Variants in UNC5D observed in about 807,000 individuals in gnomAD.
The protein encoded by UNC5D is unc-5 netrin receptor D.
A neutral mutation model predicts 105.4 loss-of-function variants in UNC5D; 39 were observed. The observed-to-expected ratio is 0.37, with a 90% CI of 0.29 to 0.48. The LOEUF (loss-of-function observed/expected upper bound fraction) is 0.48. UNC5D is among the 20% of genes least tolerant of loss of function. The probability of loss-of-function intolerance (pLI) is 0.98; values close to 1 mark genes in which losing one functional copy is unlikely to be tolerated. For synonymous variants in UNC5D, 452 were observed against 450.4 expected (o/e 1.00, Z -0.04); for missense variants, 991 against 1,202.4 (o/e 0.82, Z 2.60).
intron 1 of UNC5D, among the ~76,000 whole-genome samples, chr8:35,518,042 G>C (rs1001661285): frequency 6.6e-6 from 1 of 152,016 alleles, no homozygotes; most frequent in African/African-American, 2.4e-5. Context: ...TGAATTTTGG[G>C]GGGGGCATAA....
At chr8:35,368,854 C>T (rs999869174) in intron 1 of UNC5D, among the ~76,000 whole-genome samples, 6 of 152,016 alleles carry the variant, frequency 3.9e-5, no homozygotes, top group Non-Finnish European at 5.9e-5. Flanking sequence ...CATGTAAGGA[C>T]ACAGTAAGAG....
chr8:35,374,028 T>C (rs1273397018), intron 1 of UNC5D, among the ~76,000 whole-genome samples: 2 of 152,158 alleles, frequency 1.3e-5, no homozygotes, highest in South Asian at 2.1e-4. Flanking sequence ...AGGGATTTGG[T>C]TCAAAAAATA....
At chr8:35,467,711 C>G (rs1206389316) in intron 1 of UNC5D, among the ~76,000 whole-genome samples, 4 of 151,896 alleles carry the variant, frequency 2.6e-5, no homozygotes, top group Admixed American at 2.6e-4. Context: ...TAGGGCAAAA[C>G]TAGGACCTTT....
intron 4 of UNC5D, among the ~76,000 whole-genome samples, chr8:35,631,571 A>G (rs1822047778): frequency 6.6e-6 from 1 of 152,136 alleles, no homozygotes; most frequent in Non-Finnish European, 1.5e-5. Flanking sequence ...CCACGTATGG[A>G]CTTGGGAAAT....
At chr8:35,243,742 G>A (rs1177129839) in intron 1 of UNC5D, among the ~76,000 whole-genome samples, 1 of 152,156 alleles carries the variant, frequency 6.6e-6, no homozygotes, top group Non-Finnish European at 1.5e-5. Context: ...ACATGGTGTG[G>A]AGGTTGTGTC....
intron 1 of UNC5D, among the ~76,000 whole-genome samples, chr8:35,290,832 C>T (rs1331862906): frequency 6.6e-6 from 1 of 151,654 alleles, no homozygotes; most frequent in East Asian, 2.0e-4. Context: ...CCTGTAATCC[C>T]AGCTACTCAG....
chr8:35,365,015 A>G (rs1166170801), intron 1 of UNC5D, among the ~76,000 whole-genome samples: 1 of 152,102 alleles, frequency 6.6e-6, no homozygotes, highest in Non-Finnish European at 1.5e-5. Context: ...CTATGCATTT[A>G]TAATAGAGTT....
intron 13 of UNC5D, among the ~76,000 whole-genome samples, chr8:35,757,248 A>G (rs530380241): frequency 6.6e-6 from 1 of 152,266 alleles, no homozygotes; most frequent in East Asian, 1.9e-4. Context: ...CCAGAGCAAC[A>G]TTACTCAAAA....
intron 14 of UNC5D, among the ~76,000 whole-genome samples, chr8:35,760,231 A>G (rs1801464207): frequency 6.6e-6 from 1 of 151,798 alleles, no homozygotes; most frequent in African/African-American, 2.4e-5. Context: ...TTTAGTAGAG[A>G]CGGGGTTTGC....
intron 13 of UNC5D, among the ~76,000 whole-genome samples, 159 bp downstream of exon 13, chr8:35,750,968 G>T (rs1361510836): frequency 6.6e-6 from 1 of 152,152 alleles, no homozygotes; most frequent in East Asian, 1.9e-4. Flanking sequence ...CCTAGACAGA[G>T]CCAATTTATC....
At chr8:35,362,485 C>T (rs923238865) in intron 1 of UNC5D, among the ~76,000 whole-genome samples, 22 of 152,054 alleles carry the variant, frequency 1.4e-4, no homozygotes, top group African/African-American at 5.3e-4. Flanking sequence ...TGTGTCTCAC[C>T]AGGGGCAATG....
In UNC5D at chr8:35,248,132, T is replaced by A. The variant is rs867892739; in HGVS notation, c.103+12245T>A. 1.5e-4 allele frequency among the ~76,000 whole-genome samples: 10 copies of A among 67,778 alleles called. 1 individual carries two copies. The highest frequency in any genetic ancestry group is 1.2e-4 in the Non-Finnish European group (5 of 40,666). 44.5% of individuals were successfully genotyped at this position (67,778 alleles called of 152,430 possible). A position where few individuals can be genotyped will look rare whatever the true frequency, so the allele number is the denominator to read the frequency against. ...ATAAAAAATATAATATATAAATATATATTATATAAAATATATATAATATAT... is the reference window on the plus strand; with the variant it reads ...ATAAAAAATATAATATATAAATATAAATTATATAAAATATATATAATATAT... On this transcript the variant is annotated intron_variant, in intron 1 of 16. Transcript: ENST00000404895.
chr8:35,730,931 G>T, intron 10 of UNC5D, 81 bp from the exon 11 acceptor site: 1 of 1,235,384 alleles, frequency 8.1e-7, no homozygotes, highest in Non-Finnish European at 1.2e-6. Flanking sequence ...TGTTTTCCAG[G>T]TATCTGTAAG....
intron 1 of UNC5D, among the ~76,000 whole-genome samples, chr8:35,435,174 T>A (rs546534552): frequency 2.0e-5 from 3 of 152,276 alleles, no homozygotes; most frequent in African/African-American, 7.2e-5. Context: ...TATATATAAT[T>A]ACCAATATGG....
chr8:35,756,011 T>G (rs1830502890), intron 13 of UNC5D, among the ~76,000 whole-genome samples: 1 of 152,154 alleles, frequency 6.6e-6, no homozygotes, highest in Non-Finnish European at 1.5e-5. Flanking sequence ...TACAGTAGGC[T>G]CAGGGAACTA....
intron 1 of UNC5D, among the ~76,000 whole-genome samples, chr8:35,315,159 T>C (rs1243978621): frequency 6.6e-6 from 1 of 152,186 alleles, no homozygotes; most frequent in Non-Finnish European, 1.5e-5. Flanking sequence ...CTCATACTTT[T>C]AAAAATGATT....
intron 11 of UNC5D, among the ~76,000 whole-genome samples, chr8:35,748,142 A>G (rs974407128): frequency 1.3e-5 from 2 of 152,224 alleles, no homozygotes; most frequent in East Asian, 3.9e-4. Flanking sequence ...TGGTAATGAG[A>G]TGACCAGACC....
rs1823278723 is a variant in UNC5D, at chr8:35,649,569, A to G, written c.571-33978A>G. 2.0e-5 allele frequency among the ~76,000 whole-genome samples: 3 copies of G among 152,176 alleles called. No homozygotes were observed. In the South Asian group the frequency reaches 6.2e-4, roughly 32 times the overall value. ...TACTGGCTCCTTTTCAATCAACACT[A>G]TGAAGATGGAAACATAATAACCTGA... On this transcript the variant is annotated intron_variant, in intron 4 of 16. Coordinates refer to ENST00000404895, the MANE Select transcript of UNC5D (RefSeq NM_080872.4).
chr8:35,609,351 C>T (rs767264237), intron 4 of UNC5D, among the ~76,000 whole-genome samples: 81 of 152,236 alleles, frequency 5.3e-4, no homozygotes, highest in East Asian at 9.7e-4. Context: ...TGGATGCTAC[C>T]GTTATCTGTG....
Sources: gnomAD v4.1 joint callset for allele counts (sites outside exome capture counted in the v4.1 genomes callset) on GRCh38, gnomAD v4.1.1 for gene constraint, MANE v1.5 for transcripts, NCBI Gene and HGNC (gene_info 2026-07-23, HGNC 2026-07-21) for gene names.